Variants in TRPV6 observed in about 807,000 individuals in gnomAD.
TRPV6 encodes the protein transient receptor potential cation channel subfamily V member 6, also known as Alu-binding protein with zinc finger domain.
Under a neutral mutation model 79.0 loss-of-function variants are expected in TRPV6, and 39 were observed. That is an observed-to-expected ratio of 0.49 (90% CI 0.38 to 0.64). The LOEUF (loss-of-function observed/expected upper bound fraction) is 0.64, where lower values mean the gene tolerates loss of function less well. Among genes scored for constraint, TRPV6 ranks in the 30% least tolerant of loss-of-function variants. The pLI, the probability that TRPV6 is intolerant of heterozygous loss-of-function variation, is 0.00. For synonymous variants in TRPV6, 373 were observed against 391.9 expected, an observed-to-expected ratio of 0.95 and a Z score of 0.57; for missense variants, 813 against 1,011.1, an observed-to-expected ratio of 0.80 and a Z score of 2.66.
intron 1 of TRPV6, chr7:142,878,741 GTCTT>G (rs1563357018): frequency 5.9e-5 from 9 of 151,936 alleles, no homozygotes; most frequent in Admixed American, 4.6e-4. Flanking sequence ...TCTGCCTCTC[GTCTT>G]TCTTCTCACA....
intron 3 of TRPV6, 33 bp downstream of exon 3, chr7:142,877,618 C>T: frequency 6.2e-7 from 1 of 1,608,994 alleles, no homozygotes. Context: ...ACCAGTCACT[C>T]CTGCTCTTCA....
At position 142,874,087 on chromosome 7, in the gene TRPV6, C is replaced by T; in HGVS notation, c.1628G>A (p.Gly543Asp). 1 of 1,613,782 alleles carries T rather than the reference C, an allele frequency of 6.2e-7. No individual in the cohort carries two copies. Among genetic ancestry groups the T allele is most frequent in the Non-Finnish European group, 8.5e-7 (1 of 1,179,852 alleles). ...GGACAGATGATTACCTGAAGCAAAGCCCAGGATGACCACAGCCATCAGCCA... is the reference window on the plus strand; with the variant it reads ...GGACAGATGATTACCTGAAGCAAAGTCCAGGATGACCACAGCCATCAGCCA... Residue 543 changes from glycine to aspartate, a missense_variant, in exon 12 of 15, where the codon GGC becomes GAC. Coordinates refer to ENST00000359396, the MANE Select transcript of TRPV6 (RefSeq NM_018646.6).
rs539257655 is a variant in TRPV6 at position 142,885,526 on chromosome 7, G to A, written c.111C>T (p.Ala37=). The A allele has an allele frequency of 6.9e-6, 11 of 1,601,340 alleles. No individual in the cohort carries two copies. In the East Asian group the frequency reaches 2.5e-4, roughly 36 times the overall value. Reference sequence around the variant, plus strand: ...GCAGTGACAAACCCATGGGGTGTAGGGCCGGCTCCTTGGGGGCCTGAGGCC... The same window carrying A: ...GCAGTGACAAACCCATGGGGTGTAGAGCCGGCTCCTTGGGGGCCTGAGGCC... Residue 37 remains alanine, a synonymous_variant, in exon 1 of 15, where the codon GCC becomes GCT. Coordinates refer to ENST00000359396, the MANE Select transcript of TRPV6 (RefSeq NM_018646.6).
rs766870530 is a variant in TRPV6 at position 142,875,079 on chromosome 7, T to G, written c.1328A>C (p.Glu443Ala). ...ACCCAGAGTCCATCCACACCTCACC[T>G]CTACCAGCAGGATGATGATAGCCCC... Residue 443 changes from glutamate to alanine, a missense_variant and splice_region_variant, in exon 9 of 15, where the codon GAG (glutamate) becomes GCG (alanine). Coordinates refer to ENST00000359396, the MANE Select transcript of TRPV6 (RefSeq NM_018646.6). 2 of 1,614,080 alleles carry G rather than the reference T, an allele frequency of 1.2e-6. No individual in the cohort carries two copies. Among genetic ancestry groups the G allele is most frequent in the South Asian group, 2.2e-5 (2 of 91,076 alleles).
At chr7:142,872,287 A>G (rs1196810569) in intron 14 of TRPV6, 85 bp downstream of exon 14, 7 of 1,421,352 alleles carry the variant, frequency 4.9e-6, no homozygotes, top group Non-Finnish European at 6.8e-6. Context: ...TCCACAGGGA[A>G]CCCAGGAGCC....
chr7:142,876,915 C>T (rs117497836), intron 4 of TRPV6, 78 bp from the exon 5 acceptor site: 34,774 of 1,560,186 alleles, frequency 0.022, 464 homozygotes, highest in Middle Eastern at 0.031. Context: ...AAGTGACAGC[C>T]TTATCTTCCC....
Position 142,875,032 on chromosome 7 carries a change from G to T in TRPV6, c.1329+46C>A, listed in dbSNP as rs961329402. The T allele has an allele frequency of 4.3e-6, 7 of 1,614,004 alleles. No homozygotes were observed. The Admixed American group carries it at 5.0e-5, about 12-fold the overall frequency. On this transcript the variant is annotated intron_variant, in intron 9 of 14. Transcript: ENST00000359396. ...CACTCAGATACCGGAACTTGGGCTGGATTCCTCGGGCAGACAGCCTCACCC... is the reference window on the plus strand; with the variant it reads ...CACTCAGATACCGGAACTTGGGCTGTATTCCTCGGGCAGACAGCCTCACCC...
chr7:142,885,160 T>G, intron 1 of TRPV6: 5 of 390,688 alleles, frequency 1.3e-5, no homozygotes, highest in East Asian at 4.2e-5. Context: ...CAGAATCGAA[T>G]TAGATCTTAA....
At chr7:142,877,356 C>A in intron 3 of TRPV6, 77 bp from the exon 4 acceptor site, 1 of 1,578,954 alleles carries the variant, frequency 6.3e-7, no homozygotes, top group South Asian at 1.2e-5. Context: ...GCACCCCAGT[C>A]TCTTTCCCTC....
Position 142,875,166 on chromosome 7 carries a change from T to C in TRPV6, c.1243-2A>G. The C allele has an allele frequency of 6.2e-7, 1 of 1,614,010 alleles. No individual in the cohort carries two copies. The highest frequency in any genetic ancestry group is 2.2e-5 in the East Asian group (1 of 44,850). ...GTCCTTAGGGGTCATGTAGGCTTCC[T>C]AATGGGGGAGAAGAACAGTCAAAAT... On this transcript the variant is annotated splice_acceptor_variant, in intron 8 of 14. Coordinates refer to ENST00000359396, the MANE Select transcript of TRPV6 (RefSeq NM_018646.6). LOFTEE classifies it high-confidence loss of function.
At chr7:142,885,257 A>G in intron 1 of TRPV6, 132 bp downstream of exon 1, 1 of 1,101,454 alleles carries the variant, frequency 9.1e-7, no homozygotes, top group Non-Finnish European at 1.3e-6. Context: ...GCTCCCAAGG[A>G]GCCAGTCCGG....
At chr7:142,880,847 T>C (rs983925369) in intron 1 of TRPV6, 10 of 152,254 alleles carry the variant, frequency 6.6e-5, no homozygotes, top group African/African-American at 2.2e-4. Context: ...GATACACTTA[T>C]ACTAGCAGCC....
Position 142,875,676 on chromosome 7 carries a change from C to T in TRPV6, c.1034G>A (p.Arg345His), listed in dbSNP as rs745408146. 8.1e-6 allele frequency: 13 copies of T among 1,610,278 alleles called. No individual in the cohort carries two copies. The highest frequency in any genetic ancestry group is 1.1e-5 in the Non-Finnish European group (13 of 1,178,308). ...CACCGGCGTCTGGTCCAGGATCTGGCGAGCCTGCAACAGAAAGAGAACAGG... is the reference window on the plus strand; with the variant it reads ...CACCGGCGTCTGGTCCAGGATCTGGTGAGCCTGCAACAGAAAGAGAACAGG... The change falls in exon 8 of 15, where the codon CGC becomes CAC. Residue 345 changes from arginine to histidine, a missense_variant. Physicochemically the swap from Arg to His is conservative, Grantham distance 29. This residue lies in a region of TRPV6 where 555 missense variants were observed against 631.0 expected (regional missense o/e 0.88). Coordinates refer to ENST00000359396, the MANE Select transcript of TRPV6 (RefSeq NM_018646.6).
At chr7:142,878,079 G>A in intron 1 of TRPV6, 53 bp from the exon 2 acceptor site, 2 of 1,483,466 alleles carry the variant, frequency 1.3e-6, no homozygotes, top group Non-Finnish European at 9.4e-7. Context: ...CCTAGTTGTG[G>A]AGGGAGAGGC....
intron 4 of TRPV6, 33 bp from the exon 5 acceptor site, chr7:142,876,870 T>A: frequency 6.2e-7 from 1 of 1,612,070 alleles, no homozygotes. Flanking sequence ...GGTAGGAGAG[T>A]GCAGGATGGC....
At chr7:142,878,463 G>A in intron 1 of TRPV6, 1 of 194,038 alleles carries the variant, frequency 5.2e-6, no homozygotes, top group Non-Finnish European at 1.1e-5. Context: ...TGGACCGAGG[G>A]GTGCAAGGAA....
intron 3 of TRPV6, 179 bp from the exon 4 acceptor site, chr7:142,877,458 C>A (rs890488091): frequency 6.9e-7 from 1 of 1,456,204 alleles, no homozygotes; most frequent in East Asian, 2.3e-5. Context: ...CTTCTCTAGG[C>A]CCCTGGCATT....
In TRPV6 at chr7:142,875,797, CTGCTCA is replaced by C. The variant is rs748878148; in HGVS notation, c.984_989del (p.Asp328_Gln330delinsGlu). 6.2e-7 allele frequency: 1 copy of C among 1,611,184 alleles called. No individual in the cohort carries two copies. The highest frequency in any genetic ancestry group is 1.7e-5 in the Admixed American group (1 of 59,740). Reference sequence around the variant, plus strand: ...TGGTGATGATAAGTTCCAGCAGGGACTGCTCATCCCCTGAGGAGTCGATCTCTGTGA... The same window carrying C: ...TGGTGATGATAAGTTCCAGCAGGGACTCCCCTGAGGAGTCGATCTCTGTGA... On this transcript the variant is annotated inframe_deletion, in exon 7 of 15. Transcript: ENST00000359396.
intron 5 of TRPV6, 47 bp from the exon 6 acceptor site, chr7:142,876,630 G>C: frequency 6.2e-7 from 1 of 1,612,470 alleles, no homozygotes; most frequent in South Asian, 1.1e-5. Flanking sequence ...TAAAGTCCCT[G>C]ATGTCCCCAT....
Sources: gnomAD v4.1 joint callset for allele counts on GRCh38, gnomAD v4.1.1 for gene constraint, gnomAD v4.1.1 regional missense constraint, MANE v1.5 for transcripts, NCBI Gene and HGNC (gene_info 2026-07-23, HGNC 2026-07-21) for gene names.